Variants in COL12A1 observed in about 807,000 individuals in gnomAD.
COL12A1 encodes collagen alpha-1(XII) chain.
In COL12A1, 114 loss-of-function variants were observed where a neutral mutation model predicts 349.7. That is an observed-to-expected ratio of 0.33 (90% CI 0.28 to 0.38). COL12A1 has a LOEUF of 0.38. Ranked by LOEUF, COL12A1 falls within the 10% of genes least tolerant of loss-of-function variation. The pLI, the probability that COL12A1 is intolerant of heterozygous loss-of-function variation, is 1.00. For synonymous variants in COL12A1, 1,369 were observed against 1,329.0 expected (o/e 1.03, Z -0.66); for missense variants, 3,284 against 3,756.9 (o/e 0.87, Z 3.29).
At position 75,132,262 on chromosome 6, in the gene COL12A1, C is replaced by A. The variant is rs571716874; in HGVS notation, c.5795-180G>T. ...CAAACCCAAATTTAGTTAAAGTTAG[C>A]AAGTATGGCCTTTGTCTATAAGGAA... On this transcript the variant is annotated intron_variant, in intron 34 of 65. Transcript: ENST00000322507. Among the ~76,000 whole-genome samples, 4 of 152,206 alleles carry A rather than the reference C, an allele frequency of 2.6e-5. No individual in the cohort carries two copies. The East Asian group carries it at 7.7e-4, about 29-fold the overall frequency.
rs1463578207 is a variant in COL12A1, at chr6:75,085,394, A to G, written c.*1153T>C. ...TCCGATTCAACATTACAATTATGGC[A>G]TGATTTGGAAGGCACACACACACAC... On this transcript the variant is annotated 3_prime_UTR_variant, in exon 66 of 66. Transcript: ENST00000322507. 9.5e-6 allele frequency: 4 copies of G among 421,630 alleles called. No homozygotes were observed. The highest frequency in any genetic ancestry group is 4.8e-5 in the South Asian group (3 of 62,176). 26.1% of individuals were successfully genotyped at this position (421,630 alleles called of 1,614,324 possible).
chr6:75,090,465 C>A lies in COL12A1; in HGVS notation c.8753-167G>T, dbSNP rs1056970348. On this transcript the variant is annotated intron_variant, in intron 62 of 65. Coordinates refer to ENST00000322507, the MANE Select transcript of COL12A1 (RefSeq NM_004370.6). The surrounding 1 kb of genome is among the most constrained non-coding windows in gnomAD (Gnocchi z 4.1). ...AATAAAATTAAGACAGTCTAATCAT[C>A]GAGGACAAAATGGTCCCTGATAAAT... 6.6e-6 allele frequency among the ~76,000 whole-genome samples: 1 copy of A among 152,092 alleles called. No individual in the cohort carries two copies. The highest frequency in any genetic ancestry group is 1.5e-5 in the Non-Finnish European group (1 of 68,012).
intron 13 of COL12A1, among the ~76,000 whole-genome samples, chr6:75,167,325 T>C (rs1389033255): frequency 6.6e-6 from 1 of 152,156 alleles, no homozygotes; most frequent in Non-Finnish European, 1.5e-5. Context: ...GCTTGATATA[T>C]ACAATTTTCA....
chr6:75,134,733 G>GCCT lies in COL12A1; in HGVS notation c.5514_5516dup (p.Gly1839dup), dbSNP rs1766496347. 2.5e-6 allele frequency: 4 copies of GCCT among 1,605,206 alleles called. No homozygotes were observed. The highest frequency in any genetic ancestry group is 3.4e-6 in the Non-Finnish European group (4 of 1,174,172). The stretch of plus-strand genomic sequence containing the variant: ...AACTCAGGTTTCACTTACTGGTCTT[G>GCCT]CCTCTTCCCGTCATCCGACCTCCTT... On this transcript the variant is annotated inframe_insertion, in exon 32 of 66. Coordinates refer to ENST00000322507, the MANE Select transcript of COL12A1 (RefSeq NM_004370.6).
At position 75,109,193 on chromosome 6, in the gene COL12A1, T is replaced by C. The variant is rs369154466; in HGVS notation, c.7951-26A>G. The C allele has an allele frequency of 1.5e-5, 23 of 1,513,488 alleles. No homozygotes were observed. In the African/African-American group the frequency reaches 2.7e-4, roughly 18 times the overall value. The allele number at this position is 1,513,488 out of a possible 1,614,324, so 93.8% of individuals were successfully genotyped here. On this transcript the variant is annotated intron_variant, in intron 51 of 65. Coordinates refer to ENST00000322507, the MANE Select transcript of COL12A1 (RefSeq NM_004370.6). Reference sequence around the variant, plus strand: ...CTAAAAAGATAATTTGTTTCCATTATAAAATTTCTACACTAAAAAAATTAG... The same window carrying C: ...CTAAAAAGATAATTTGTTTCCATTACAAAATTTCTACACTAAAAAAATTAG...
intron 12 of COL12A1, 26 bp downstream of exon 12, chr6:75,177,637 C>CTCTTAGTGA: frequency 6.2e-7 from 1 of 1,613,950 alleles, no homozygotes; most frequent in Non-Finnish European, 8.5e-7. Context: ...TTGGTTGTCA[C>CTCTTAGTGA]CATATGATAA....
chr6:75,088,148 A>C (rs1767592438), intron 64 of COL12A1, among the ~76,000 whole-genome samples: 3 of 152,232 alleles, frequency 2.0e-5, no homozygotes, highest in South Asian at 4.1e-4. Context: ...GCAAAGCAAT[A>C]TTGTTTCTGG....
At position 75,183,268 on chromosome 6, in the gene COL12A1, C is replaced by CT; in HGVS notation, c.1672dup (p.Arg558LysfsTer13). On this transcript the variant is annotated frameshift_variant, in exon 10 of 66. Coordinates refer to ENST00000322507, the MANE Select transcript of COL12A1 (RefSeq NM_004370.6). LOFTEE classifies it high-confidence loss of function. ...ATTCCTCAGTTTTATCGCAGGATCTCTGAAAGCATCTGATGATTTCCCATC... is the reference window on the plus strand; with the variant it reads ...ATTCCTCAGTTTTATCGCAGGATCTCTTGAAAGCATCTGATGATTTCCCATC... 3 of 1,614,202 alleles carry CT rather than the reference C, an allele frequency of 1.9e-6. No individual in the cohort carries two copies. The highest frequency in any genetic ancestry group is 2.5e-6 in the Non-Finnish European group (3 of 1,180,032).
chr6:75,151,077 A>T, intron 21 of COL12A1, 64 bp downstream of exon 21: 1 of 663,044 alleles, frequency 1.5e-6, no homozygotes, highest in Non-Finnish European at 2.2e-6. Context: ...CCCACCCAAA[A>T]GAATAATTAT....
chr6:75,128,310 C>A lies in COL12A1; in HGVS notation c.6326G>T (p.Gly2109Val), dbSNP rs1357600130. Residue 2109 changes from glycine (G) to valine (V), a missense_variant, in exon 38 of 66, where the codon GGA (glycine) becomes GTA (valine). Coordinates refer to ENST00000322507, the MANE Select transcript of COL12A1 (RefSeq NM_004370.6). The part of the protein sequence containing the change: ...YEDGDGGHLT[G>V]NGRTVGLLPP... ...AAAACACTTACCAGTTCTTCCATTT[C>A]CTGTTAGATGGCCACCATCTCCATC... The A allele has an allele frequency of 6.2e-7, 1 of 1,601,414 alleles. No individual in the cohort carries two copies. The highest frequency in any genetic ancestry group is 1.3e-5 in the African/African-American group (1 of 74,262).
At chr6:75,121,725 A>G (rs1354208019) in intron 43 of COL12A1, among the ~76,000 whole-genome samples, 1 of 152,220 alleles carries the variant, frequency 6.6e-6, no homozygotes. Flanking sequence ...GTTTAGATCC[A>G]TTATGCAAAG....
Position 75,086,392 on chromosome 6 carries a change from A to G in COL12A1, c.*155T>C. The stretch of plus-strand genomic sequence containing the variant: ...ATTCAAGTTAGTAAAAAGAGTCTCC[A>G]CCCTCCTTTGTGATGTCGACCCGGT... On this transcript the variant is annotated 3_prime_UTR_variant, in exon 66 of 66. Transcript: ENST00000322507. 2.2e-6 allele frequency: 1 copy of G among 448,144 alleles called. No homozygotes were observed. Among genetic ancestry groups the G allele is most frequent in the East Asian group, 4.1e-5 (1 of 24,316 alleles). The allele number at this position is 448,144 out of a possible 1,614,324, so 27.8% of individuals were successfully genotyped here.
At chr6:75,178,512 T>A (rs1001321019) in intron 11 of COL12A1, among the ~76,000 whole-genome samples, 1 of 152,122 alleles carries the variant, frequency 6.6e-6, no homozygotes, top group African/African-American at 2.4e-5. Context: ...TAGATCTACA[T>A]CTTGAAGCTA....
intron 11 of COL12A1, 35 bp from the exon 12 acceptor site, chr6:75,177,970 T>C (rs200534772): frequency 1.3e-6 from 2 of 1,548,518 alleles, no homozygotes; most frequent in African/African-American, 2.8e-5. Flanking sequence ...TTTTAAACCA[T>C]AAATTGACTG....
At chr6:75,200,769 T>C (rs992672851) in intron 2 of COL12A1, among the ~76,000 whole-genome samples, 3 of 152,144 alleles carry the variant, frequency 2.0e-5, no homozygotes, top group Non-Finnish European at 4.4e-5. Context: ...ATTTTGAATA[T>C]GGCTACCAGA....
At chr6:75,107,388 A>G (rs566446647) in intron 52 of COL12A1, among the ~76,000 whole-genome samples, 2 of 152,124 alleles carry the variant, frequency 1.3e-5, no homozygotes, top group South Asian at 4.2e-4. Flanking sequence ...CTCCTGCCTC[A>G]GCCTCCCAAT....
At chr6:75,178,293 C>T (rs1379705859) in intron 11 of COL12A1, among the ~76,000 whole-genome samples, 1 of 152,118 alleles carries the variant, frequency 6.6e-6, no homozygotes, top group Non-Finnish European at 1.5e-5. Flanking sequence ...ATATAAGCAG[C>T]CAAGACTTTC....
chr6:75,138,672 C>T, intron 28 of COL12A1, 92 bp from the exon 29 acceptor site: 1 of 1,567,956 alleles, frequency 6.4e-7, no homozygotes, highest in Non-Finnish European at 8.7e-7. Context: ...CATTATTTAG[C>T]CAGATGTTCC....
rs760970675 is a variant in COL12A1 at position 75,091,368 on chromosome 6, T to A, written c.8707A>T (p.Met2903Leu). The A allele has an allele frequency of 8.7e-6, 14 of 1,613,734 alleles. No individual in the cohort carries two copies. Among genetic ancestry groups the A allele is most frequent in the Non-Finnish European group, 1.2e-5 (14 of 1,179,940 alleles). ...ACTTGTCTTGCAACTGCTCGCATCA[T>A]GTTCTGGGAAGCAATGTCTCCCTTG... ...GDRGDIASQN[M>L]MRAVARQVCE... Residue 2903 changes from methionine (M) to leucine (L), a missense_variant, in exon 62 of 66, where the codon ATG (methionine) becomes TTG (leucine). Around this residue, in one of 2 missense-constraint regions of COL12A1, gnomAD observed 683 missense variants for 932.1 expected, o/e 0.73. Transcript: ENST00000322507.
Sources: allele counts gnomAD v4.1 joint callset (sites outside exome capture counted in the v4.1 genomes callset), GRCh38; gene constraint gnomAD v4.1.1; regional missense constraint gnomAD v4.1.1; non-coding constraint Gnocchi (gnomAD v3.1); transcripts MANE v1.5; gene names NCBI Gene and HGNC (gene_info 2026-07-23, HGNC 2026-07-21).